Variants in GPC5 observed in about 807,000 individuals in gnomAD.
GPC5 encodes glypican-5.
Under a neutral mutation model 53.9 loss-of-function variants are expected in GPC5, and 47 were observed. The ratio of observed to expected loss-of-function variants is 0.87; its 90% confidence interval spans 0.69 to 1.11. The LOEUF (loss-of-function observed/expected upper bound fraction) is 1.11, where lower values mean the gene tolerates loss of function less well. Among genes scored for constraint, GPC5 ranks in the 50% most tolerant of loss-of-function variants. The probability of loss-of-function intolerance (pLI) is 0.00; values close to 1 mark genes in which losing one functional copy is unlikely to be tolerated. For missense variants in GPC5, 748 were observed against 713.1 expected (o/e 1.05, Z -0.56); for synonymous variants, 286 against 263.3 (o/e 1.09, Z -0.84).
intron 7 of GPC5, among the ~76,000 whole-genome samples, chr13:92,733,678 A>AT (rs1427383629): frequency 6.6e-6 from 1 of 151,734 alleles, no homozygotes; most frequent in African/African-American, 2.4e-5. Flanking sequence ...TAAGGGTTGA[A>AT]TTTTTTCAGC....
At chr13:91,715,802 G>C (rs537901594) in intron 3 of GPC5, among the ~76,000 whole-genome samples, 22 of 127,936 alleles carry the variant, frequency 1.7e-4, no homozygotes, top group South Asian at 7.4e-4. Context: ...CTCTCTCTCT[G>C]TGTGTGTGTC....
At chr13:91,405,187 CTATACGTTAGGGTT>C (rs1478943024) in intron 1 of GPC5, among the ~76,000 whole-genome samples, 2 of 152,188 alleles carry the variant, frequency 1.3e-5, no homozygotes, top group Non-Finnish European at 2.9e-5. Flanking sequence ...ATTTACATTA[CTATACGTTAGGGTT>C]TTTCAGCCTG....
intron 6 of GPC5, among the ~76,000 whole-genome samples, chr13:92,144,550 T>C: frequency 6.6e-6 from 1 of 152,284 alleles, no homozygotes; most frequent in South Asian, 2.1e-4. Context: ...CTAGACAAAC[T>C]GCCATAAGCA....
intron 7 of GPC5, among the ~76,000 whole-genome samples, chr13:92,707,776 A>G (rs1221994836): frequency 3.3e-5 from 5 of 152,086 alleles, no homozygotes; most frequent in Admixed American, 2.6e-4. Flanking sequence ...AAAAAAATAA[A>G]CTTTTTGTAG....
chr13:92,821,108 T>C (rs1877658355), intron 7 of GPC5, among the ~76,000 whole-genome samples: 1 of 152,188 alleles, frequency 6.6e-6, no homozygotes, highest in South Asian at 2.1e-4. Flanking sequence ...TTGTGTCCAC[T>C]GTTTCCATGA....
intron 2 of GPC5, among the ~76,000 whole-genome samples, chr13:91,538,314 A>G (rs1886680670): frequency 6.6e-6 from 1 of 152,206 alleles, no homozygotes; most frequent in African/African-American, 2.4e-5. Context: ...TTTTATCCCA[A>G]TTGCATAGGG....
At chr13:92,205,496 C>G (rs1401227032) in intron 7 of GPC5, among the ~76,000 whole-genome samples, 1 of 152,100 alleles carries the variant, frequency 6.6e-6, no homozygotes, top group Non-Finnish European at 1.5e-5. Context: ...GATCATTCCT[C>G]CAACTCCAAG....
chr13:92,044,267 A>T (rs2040964230), intron 6 of GPC5, among the ~76,000 whole-genome samples: 1 of 152,206 alleles, frequency 6.6e-6, no homozygotes, highest in Non-Finnish European at 1.5e-5. Flanking sequence ...TCTTCATAAG[A>T]ATACATCTTT....
chr13:91,764,962 C>G (rs2037493596), intron 5 of GPC5, among the ~76,000 whole-genome samples: 1 of 152,198 alleles, frequency 6.6e-6, no homozygotes, highest in African/African-American at 2.4e-5. Context: ...CTCTATTTCT[C>G]CATGTGATGG....
chr13:91,628,044 G>A (rs1021158466), intron 2 of GPC5, among the ~76,000 whole-genome samples: 44 of 151,978 alleles, frequency 2.9e-4, no homozygotes, highest in African/African-American at 9.7e-4. Context: ...AATCAATTTT[G>A]TGTGTTTTTC....
At chr13:92,106,190 C>T (rs906803925) in intron 6 of GPC5, among the ~76,000 whole-genome samples, 1 of 151,746 alleles carries the variant, frequency 6.6e-6, no homozygotes, top group Non-Finnish European at 1.5e-5. Context: ...ATTATTTTTC[C>T]AAAATGGTTG....
intron 2 of GPC5, among the ~76,000 whole-genome samples, chr13:91,681,994 AG>A (rs35799667): frequency 0.14 from 20,869 of 152,024 alleles, 1,602 homozygotes; most frequent in East Asian, 0.27. Context: ...TATTTTATAT[AG>A]GGTGTCAGAC....
chr13:92,603,377 C>G (rs1884147021), intron 7 of GPC5, among the ~76,000 whole-genome samples: 1 of 152,102 alleles, frequency 6.6e-6, no homozygotes, highest in Admixed American at 6.6e-5. Flanking sequence ...AGAACCACTC[C>G]CCTTACATGA....
At chr13:92,245,618 G>A (rs1470328221) in intron 7 of GPC5, among the ~76,000 whole-genome samples, 2 of 152,076 alleles carry the variant, frequency 1.3e-5, no homozygotes, top group Non-Finnish European at 1.5e-5. Context: ...TATTTTTAGG[G>A]TCAAGTGATA....
intron 6 of GPC5, among the ~76,000 whole-genome samples, chr13:91,911,292 T>G (rs1594658197): frequency 6.6e-6 from 1 of 152,084 alleles, no homozygotes; most frequent in South Asian, 2.1e-4. Flanking sequence ...GCCTGTAATC[T>G]CAGCACTTTG....
chr13:92,800,430 AG>A (rs1555313825), intron 7 of GPC5, among the ~76,000 whole-genome samples: 2 of 151,852 alleles, frequency 1.3e-5, no homozygotes, highest in Non-Finnish European at 2.9e-5. Context: ...TGTGAGATGA[AG>A]CATGTCCCAG....
chr13:91,435,886 A>G (rs1879900952), intron 1 of GPC5, among the ~76,000 whole-genome samples: 1 of 152,126 alleles, frequency 6.6e-6, no homozygotes, highest in South Asian at 2.1e-4. Flanking sequence ...GTCTATTCAG[A>G]GATTCAACTT....
intron 7 of GPC5, among the ~76,000 whole-genome samples, chr13:92,288,388 C>G (rs1347548791): frequency 1.3e-5 from 2 of 152,138 alleles, no homozygotes; most frequent in African/African-American, 4.8e-5. Context: ...CAGATTCTCT[C>G]TTTCCTAGGG....
chr13:91,574,472 A>G (rs937417401), intron 2 of GPC5, among the ~76,000 whole-genome samples: 7 of 152,136 alleles, frequency 4.6e-5, no homozygotes, highest in African/African-American at 1.2e-4. Context: ...TGATTCTACC[A>G]GGTCAACAAT....
Sources: allele counts gnomAD v4.1 joint callset (sites outside exome capture counted in the v4.1 genomes callset), GRCh38; gene constraint gnomAD v4.1.1; transcripts MANE v1.5; gene names NCBI Gene and HGNC (gene_info 2026-07-23, HGNC 2026-07-21).